The following NTM variants were observed in gnomAD, a reference collection of about 807,000 sequenced individuals.
NTM encodes IgLON family member 2.
Under a neutral mutation model 42.1 loss-of-function variants are expected in NTM, and 13 were observed. The observed-to-expected ratio is 0.31, with a 90% CI of 0.20 to 0.49. NTM has a LOEUF of 0.49. Ranked by LOEUF, NTM falls within the 20% of genes least tolerant of loss-of-function variation. The pLI is 0.99. For synonymous variants in NTM, 187 were observed against 179.2 expected, an observed-to-expected ratio of 1.04 and a Z score of -0.35; for missense variants, 373 against 452.8, an observed-to-expected ratio of 0.82 and a Z score of 1.60.
Position 131,477,388 on chromosome 11 carries a change from C to A in NTM, c.82+106500C>A, listed in dbSNP as rs150942195. ...AAGTCTTGTCCATTCTCTTCTACCC[C>A]ACTTCTGCATTTGGGTTGATGTTGC... On this transcript the variant is annotated intron_variant, in intron 1 of 8. Transcript: ENST00000683400. Among the ~76,000 whole-genome samples, 208 of 151,898 alleles carry A rather than the reference C, an allele frequency of 1.4e-3. 1 individual carries two copies. The highest frequency in any genetic ancestry group is 2.1e-3 in the Non-Finnish European group (145 of 67,966).
intron 1 of NTM, among the ~76,000 whole-genome samples, chr11:131,768,840 T>C (rs1331644689): frequency 1.3e-5 from 2 of 152,232 alleles, no homozygotes; most frequent in African/African-American, 4.8e-5. Context: ...GAGTAAGCCA[T>C]GACTTCTAAT....
chr11:131,944,704 G>A (rs1435230144), intron 2 of NTM, among the ~76,000 whole-genome samples: 1 of 152,148 alleles, frequency 6.6e-6, no homozygotes, highest in Non-Finnish European at 1.5e-5. Context: ...TCAGGGGTAG[G>A]TATTTGTAGT....
chr11:131,373,371 T>A (rs970357822), intron 1 of NTM, among the ~76,000 whole-genome samples: 2 of 152,188 alleles, frequency 1.3e-5, no homozygotes, highest in Admixed American at 6.5e-5. Flanking sequence ...CTGCTTCCTG[T>A]GCCTCCTGCC....
chr11:131,399,392 T>C (rs1944882820), intron 1 of NTM, among the ~76,000 whole-genome samples: 1 of 151,874 alleles, frequency 6.6e-6, no homozygotes, highest in Non-Finnish European at 1.5e-5. Context: ...AAAAGAAGAG[T>C]CTCCAGTAAT....
At chr11:131,846,744 C>A (rs927517100) in intron 1 of NTM, among the ~76,000 whole-genome samples, 1 of 152,010 alleles carries the variant, frequency 6.6e-6, no homozygotes, top group African/African-American at 2.4e-5. Context: ...TCTATAAGCA[C>A]CAGCAAGCGT....
At chr11:131,480,355 T>C (rs115053443) in intron 1 of NTM, among the ~76,000 whole-genome samples, 1,861 of 152,214 alleles carry the variant, frequency 0.012, 43 homozygotes, top group African/African-American at 0.042. Flanking sequence ...GATAGCAGGA[T>C]ACTACCTTTC....
chr11:131,508,155 C>T (rs997185986), intron 1 of NTM, among the ~76,000 whole-genome samples: 2 of 146,302 alleles, frequency 1.4e-5, no homozygotes, highest in Admixed American at 1.4e-4. Context: ...GGGCTAATAT[C>T]CAGAATCTAC....
At chr11:132,203,090 G>T (rs774247456) in intron 3 of NTM, among the ~76,000 whole-genome samples, 1 of 152,170 alleles carries the variant, frequency 6.6e-6, no homozygotes, top group Non-Finnish European at 1.5e-5. Flanking sequence ...CAAGCGCATT[G>T]CTGACAAAAG....
chr11:131,476,628 C>T (rs1380124627), intron 1 of NTM, among the ~76,000 whole-genome samples: 1 of 152,042 alleles, frequency 6.6e-6, no homozygotes, highest in Non-Finnish European at 1.5e-5. Flanking sequence ...AAGACAGCTG[C>T]CCCTATAAAG....
intron 2 of NTM, among the ~76,000 whole-genome samples, chr11:132,048,821 T>TTTTC (rs1166142927): frequency 3.7e-3 from 111 of 29,678 alleles, no homozygotes; most frequent in African/African-American, 0.033. Context: ...CTTTTTTCTT[T>TTTTC]TTTTTTTTTT....
intron 2 of NTM, among the ~76,000 whole-genome samples, chr11:132,059,151 C>T (rs959946475): frequency 1.3e-5 from 2 of 152,336 alleles, no homozygotes; most frequent in South Asian, 4.1e-4. Context: ...TAGAAGCAGC[C>T]TCTGGGCCTC....
chr11:132,208,346 T>G (rs2082303937), intron 3 of NTM, among the ~76,000 whole-genome samples: 1 of 152,214 alleles, frequency 6.6e-6, no homozygotes, highest in Non-Finnish European at 1.5e-5. Context: ...TAATTGGGAT[T>G]GCTCCCCTAG....
chr11:131,387,812 A>G (rs994936109), intron 1 of NTM, among the ~76,000 whole-genome samples: 1 of 152,210 alleles, frequency 6.6e-6, no homozygotes, highest in Non-Finnish European at 1.5e-5. Context: ...CCCCCTTAAA[A>G]AAAAAGGAGA....
intron 1 of NTM, chr11:131,534,126 C>CA (rs1405886339): frequency 4.6e-5 from 7 of 152,290 alleles, no homozygotes; most frequent in Non-Finnish European, 7.3e-5. Context: ...GAACAGCTGG[C>CA]AGTAGATAGT....
intron 3 of NTM, among the ~76,000 whole-genome samples, chr11:132,150,415 G>A (rs1244116770): frequency 1.3e-5 from 2 of 152,166 alleles, no homozygotes; most frequent in Admixed American, 1.3e-4. Flanking sequence ...GAACATTTGT[G>A]TGAACTTCCA....
At chr11:131,405,743 C>T (rs992003074) in intron 1 of NTM, among the ~76,000 whole-genome samples, 5 of 152,264 alleles carry the variant, frequency 3.3e-5, no homozygotes, top group South Asian at 2.1e-4. Context: ...GAATGAAATC[C>T]ACACCCCTCC....
intron 2 of NTM, among the ~76,000 whole-genome samples, chr11:132,134,436 T>C (rs564818102): frequency 6.6e-6 from 1 of 151,916 alleles, no homozygotes; most frequent in Non-Finnish European, 1.5e-5. Flanking sequence ...ACTCGAGCAG[T>C]GTACAGTGTA....
intron 1 of NTM, among the ~76,000 whole-genome samples, chr11:131,502,471 A>G (rs1485881616): frequency 1.3e-5 from 2 of 152,088 alleles, no homozygotes; most frequent in Non-Finnish European, 2.9e-5. Flanking sequence ...GAAAAAAGGG[A>G]GAAGAGACCA....
intron 1 of NTM, among the ~76,000 whole-genome samples, chr11:131,906,178 G>A (rs368567491): frequency 2.6e-5 from 4 of 152,126 alleles, no homozygotes; most frequent in South Asian, 2.1e-4. Context: ...ACTAATTTGA[G>A]TTCAACCAAA....
Sources: allele counts gnomAD v4.1 joint callset (sites outside exome capture counted in the v4.1 genomes callset), GRCh38; gene constraint gnomAD v4.1.1; transcripts MANE v1.5; gene names NCBI Gene and HGNC (gene_info 2026-07-23, HGNC 2026-07-21).